ERLIN1: variants seen among roughly 807,000 people sequenced by gnomAD.
ERLIN1 encodes ER lipid raft associated 1.
A neutral mutation model predicts 46.9 loss-of-function variants in ERLIN1; 24 were observed. The ratio of observed to expected loss-of-function variants is 0.51; its 90% CI spans 0.37 to 0.72. The LOEUF (loss-of-function observed/expected upper bound fraction) is 0.72. ERLIN1 is among the 30% of genes least tolerant of loss of function. The probability of loss-of-function intolerance (pLI) is 0.00; values close to 1 mark genes in which losing one functional copy is unlikely to be tolerated. For missense variants in ERLIN1, 293 were observed against 417.9 expected, an observed-to-expected ratio of 0.70 and a Z score of 2.61; for synonymous variants, 158 against 143.2, an observed-to-expected ratio of 1.10 and a Z score of -0.74.
intron 5 of ERLIN1, among the ~76,000 whole-genome samples, chr10:100,174,520 C>T (rs1844184268): frequency 6.6e-6 from 1 of 152,034 alleles, no homozygotes; most frequent in African/African-American, 2.4e-5. Context: ...ATAAGTTTAC[C>T]CACTAAATGT....
At chr10:100,183,192 T>C (rs749974271) in intron 2 of ERLIN1, among the ~76,000 whole-genome samples, 1 of 152,240 alleles carries the variant, frequency 6.6e-6, no homozygotes, top group Non-Finnish European at 1.5e-5. Flanking sequence ...GAAAGATACT[T>C]ATTTTATTGT....
intron 1 of ERLIN1, 116 bp from the exon 2 acceptor site, chr10:100,183,953 A>G: frequency 4.4e-6 from 3 of 684,476 alleles, no homozygotes; most frequent in Non-Finnish European, 7.6e-6. Flanking sequence ...CTAAAGCCTC[A>G]CTAATATGAA....
intron 7 of ERLIN1, among the ~76,000 whole-genome samples, chr10:100,165,629 G>A (rs553580437): frequency 9.9e-5 from 15 of 152,152 alleles, no homozygotes; most frequent in Non-Finnish European, 1.8e-4. Context: ...CTCGTGATCC[G>A]CCCACCTTGG....
chr10:100,157,358 T>C (rs763041112), intron 8 of ERLIN1, among the ~76,000 whole-genome samples: 1 of 152,214 alleles, frequency 6.6e-6, no homozygotes, highest in Non-Finnish European at 1.5e-5. Context: ...AGCAAGTACA[T>C]GCAGAGGAAA....
intron 8 of ERLIN1, among the ~76,000 whole-genome samples, chr10:100,157,043 A>G (rs1843117595): frequency 6.6e-6 from 1 of 152,152 alleles, no homozygotes; most frequent in Non-Finnish European, 1.5e-5. Context: ...AAAAAAAAGA[A>G]AGACAAGAAG....
At chr10:100,165,938 C>T (rs997756332) in intron 7 of ERLIN1, among the ~76,000 whole-genome samples, 8 of 152,068 alleles carry the variant, frequency 5.3e-5, no homozygotes, top group Admixed American at 1.3e-4. Context: ...GTTGGCCAGG[C>T]TGGTCTCAAA....
chr10:100,170,939 A>G (rs933205401), intron 6 of ERLIN1, among the ~76,000 whole-genome samples: 2 of 152,230 alleles, frequency 1.3e-5, no homozygotes, highest in African/African-American at 4.8e-5. Context: ...ACTATTTCAA[A>G]GAAGGGGGAA....
intron 7 of ERLIN1, among the ~76,000 whole-genome samples, chr10:100,165,654 T>G (rs1000719168): frequency 6.6e-6 from 1 of 152,194 alleles, no homozygotes; most frequent in Non-Finnish European, 1.5e-5. Context: ...CCAAAAGTGC[T>G]GGGATTACAG....
rs963825583 is a variant in ERLIN1 at position 100,185,725 on chromosome 10, C to T, written c.-99G>A. 5 of 966,314 alleles carry T rather than the reference C, an allele frequency of 5.2e-6. No individual in the cohort carries two copies. The highest frequency in any genetic ancestry group is 8.2e-6 in the Non-Finnish European group (5 of 606,214). The allele number at this position is 966,314 out of a possible 1,614,324, so 59.9% of individuals were successfully genotyped here. A position where few individuals can be genotyped will look rare whatever the true frequency, so the allele number is the denominator to read the frequency against. On this transcript the variant is annotated 5_prime_UTR_variant, in exon 1 of 11. Coordinates refer to ENST00000421367, the MANE Select transcript of ERLIN1 (RefSeq NM_006459.4). Reference sequence around the variant, plus strand: ...ACCCTCTCCCTCCGGAAACTTGGCGCTCTCTCGCAGGCTGAGCCGGGGAGT... The same window carrying T: ...ACCCTCTCCCTCCGGAAACTTGGCGTTCTCTCGCAGGCTGAGCCGGGGAGT...
At position 100,150,642 on chromosome 10, in the gene ERLIN1, G is replaced by C. The variant is rs1207027444; in HGVS notation, c.*1489C>G. On this transcript the variant is annotated 3_prime_UTR_variant, in exon 11 of 11. Coordinates refer to ENST00000421367, the MANE Select transcript of ERLIN1 (RefSeq NM_006459.4). ...TGGGCTTTCCTTTCCCAAATAAAGT[G>C]TTTGGCACAACCAACAAACTGTCAT... is the stretch of plus-strand genomic sequence containing the variant. The C allele has an allele frequency of 2.0e-5, 3 of 152,578 alleles. No homozygotes were observed. Among genetic ancestry groups the C allele is most frequent in the African/African-American group, 7.2e-5 (3 of 41,426 alleles). 9.5% of individuals were successfully genotyped at this position (152,578 alleles called of 1,614,324 possible). A position where few individuals can be genotyped will look rare whatever the true frequency, so the allele number is the denominator to read the frequency against.
intron 6 of ERLIN1, among the ~76,000 whole-genome samples, chr10:100,168,713 CTT>C (rs1357829005): frequency 6.2e-5 from 9 of 144,072 alleles, no homozygotes; most frequent in Non-Finnish European, 9.0e-5. Context: ...GAGTTTTGCT[CTT>C]GTTACCCAGG....
In ERLIN1 at chr10:100,176,071, C is replaced by G. The variant is rs376414014; in HGVS notation, c.305-1G>C. On this transcript the variant is annotated splice_acceptor_variant, in intron 4 of 10. Coordinates refer to ENST00000421367, the MANE Select transcript of ERLIN1 (RefSeq NM_006459.4). LOFTEE classifies it high-confidence loss of function. ...GTATAGTTCCTCACGATATCAAACACTGAAGGAGAGGTACAACCCATGTTT... is the reference window on the plus strand; with the variant it reads ...GTATAGTTCCTCACGATATCAAACAGTGAAGGAGAGGTACAACCCATGTTT... The G allele has an allele frequency of 1.2e-6, 2 of 1,610,430 alleles. No homozygotes were observed. Among genetic ancestry groups the G allele is most frequent in the Non-Finnish European group, 1.7e-6 (2 of 1,178,130 alleles).
rs1003224207 is a variant in ERLIN1 at position 100,175,957 on chromosome 10, T to C, written c.418A>G (p.Ile140Val). 6.2e-7 allele frequency: 1 copy of C among 1,613,260 alleles called. No individual in the cohort carries two copies. The highest frequency in any genetic ancestry group is 1.1e-5 in the South Asian group (1 of 90,948). ...TTAAGACACTTACCAAACAATTCAA[T>C]GTAAACTTCCTGAAGTGTGTGGGCA... The part of the protein sequence containing the change: ...CSAHTLQEVY[I>V]ELFDQIDENL... The change falls in exon 5 of 11, where the codon ATT becomes GTT. Residue 140 changes from isoleucine to valine, a missense_variant. Physicochemically the swap from Ile to Val is conservative, Grantham distance 29 (BLOSUM62 3). This residue lies in a region of ERLIN1 where 148 missense variants were observed against 266.5 expected (regional missense o/e 0.56). Transcript: ENST00000421367.
rs1169785756 is a variant in ERLIN1 at position 100,178,116 on chromosome 10, G to A, written c.304+17C>T. ...CTGGCTATAACTATAAAAACCACAG[G>A]TAGATGGGTAACATACCTGCATAAG... On this transcript the variant is annotated intron_variant, in intron 4 of 10. Transcript: ENST00000421367. 3.3e-6 allele frequency: 5 copies of A among 1,526,220 alleles called. No individual in the cohort carries two copies. The highest frequency in any genetic ancestry group is 2.4e-5 in the South Asian group (2 of 84,404). 94.5% of individuals were successfully genotyped at this position (1,526,220 alleles called of 1,614,324 possible).
At chr10:100,177,162 C>T (rs991998157) in intron 4 of ERLIN1, among the ~76,000 whole-genome samples, 3 of 152,064 alleles carry the variant, frequency 2.0e-5, no homozygotes, top group Non-Finnish European at 4.4e-5. Context: ...TTAATAAATA[C>T]TTAATGACTA....
chr10:100,152,290 C>A lies in ERLIN1; in HGVS notation c.888G>T (p.Lys296Asn), dbSNP rs2134092432. The A allele has an allele frequency of 2.5e-6, 4 of 1,613,626 alleles. No homozygotes were observed. In the East Asian group the frequency reaches 6.7e-5, roughly 27 times the overall value. ...TAGGGATGTTGCTGCCAAAATAGAT[C>A]TTACTGTTAGAAGCAATGGCCTGGT... Reference protein sequence around the residue: ...KKYQAIASNSKIYFGSNIPNM... With the variant: ...KKYQAIASNSNIYFGSNIPNM... Residue 296 changes from lysine (K) to asparagine (N), a missense_variant, in exon 11 of 11, where the codon AAG becomes AAT. This residue lies in a region of ERLIN1 where 69 missense variants were observed against 74.5 expected (regional missense o/e 0.93). Coordinates refer to ENST00000421367, the MANE Select transcript of ERLIN1 (RefSeq NM_006459.4).
chr10:100,160,747 G>T (rs1670169562), intron 8 of ERLIN1, among the ~76,000 whole-genome samples: 1 of 152,146 alleles, frequency 6.6e-6, no homozygotes, highest in South Asian at 2.1e-4. Context: ...AGGAATTCAA[G>T]ACCAGCCTGG....
chr10:100,177,128 G>T (rs999509885), intron 4 of ERLIN1, among the ~76,000 whole-genome samples: 5 of 151,236 alleles, frequency 3.3e-5, no homozygotes, highest in Non-Finnish European at 5.9e-5. Flanking sequence ...TCTCAAAAAA[G>T]AAAAAAAATT....
chr10:100,181,510 A>ACT (rs1180899476), intron 2 of ERLIN1, among the ~76,000 whole-genome samples: 12 of 132,442 alleles, frequency 9.1e-5, no homozygotes, highest in Non-Finnish European at 1.7e-4. Context: ...TCTTAAGAAC[A>ACT]CTCTTTTTTT....
Sources: allele counts gnomAD v4.1 joint callset (sites outside exome capture counted in the v4.1 genomes callset), GRCh38; gene constraint gnomAD v4.1.1; regional missense constraint gnomAD v4.1.1; transcripts MANE v1.5; gene names NCBI Gene and HGNC (gene_info 2026-07-23, HGNC 2026-07-21).